The following BAIAP2L1 variants were observed in gnomAD, a reference collection of about 807,000 sequenced individuals.
BAIAP2L1 encodes BAR/IMD domain-containing adapter protein 2-like 1.
A neutral mutation model predicts 66.3 loss-of-function variants in BAIAP2L1; 35 were observed. The ratio of observed to expected loss-of-function variants is 0.53; its 90% CI spans 0.40 to 0.70. The LOEUF (loss-of-function observed/expected upper bound fraction) is 0.70. BAIAP2L1 is among the 30% of genes least tolerant of loss of function. BAIAP2L1 has a pLI of 0.00. For missense variants in BAIAP2L1, 622 were observed against 656.9 expected, an observed-to-expected ratio of 0.95 and a Z score of 0.58; for synonymous variants, 269 against 248.7, an observed-to-expected ratio of 1.08 and a Z score of -0.77.
chr7:98,326,889 TAC>T, intron 3 of BAIAP2L1, among the ~76,000 whole-genome samples: 1 of 152,148 alleles, frequency 6.6e-6, no homozygotes, highest in East Asian at 1.9e-4. Flanking sequence ...AAAAATTAAC[TAC>T]ACAGTGTAGA....
chr7:98,312,726 T>C (rs187029981), intron 7 of BAIAP2L1, among the ~76,000 whole-genome samples: 1 of 146,316 alleles, frequency 6.8e-6, no homozygotes, highest in Non-Finnish European at 1.5e-5. Context: ...AATCAGACAC[T>C]GTCCTGAGAG....
At chr7:98,346,455 G>A (rs918841302) in intron 3 of BAIAP2L1, among the ~76,000 whole-genome samples, 75 of 152,178 alleles carry the variant, frequency 4.9e-4, no homozygotes, top group African/African-American at 1.5e-3. Context: ...AAATCCACCC[G>A]TAAATTCAAT....
Position 98,355,036 on chromosome 7 carries a change from G to A in BAIAP2L1, c.214+6C>T, listed in dbSNP as rs777942628. 63 of 1,608,120 alleles carry A rather than the reference G, an allele frequency of 3.9e-5. No individual in the cohort carries two copies. The African/African-American group carries it at 5.6e-4, about 14-fold the overall frequency. On this transcript the variant is annotated splice_donor_region_variant and intron_variant, in intron 3 of 13. Coordinates refer to ENST00000005260, the MANE Select transcript of BAIAP2L1 (RefSeq NM_018842.5). The stretch of plus-strand genomic sequence containing the variant: ...GGGTTTATGTATAAAGGGACAGATC[G>A]CTCACCCAGTTCAGTTGACACGGGG...
At chr7:98,343,979 G>A (rs1801810934) in intron 3 of BAIAP2L1, among the ~76,000 whole-genome samples, 1 of 152,174 alleles carries the variant, frequency 6.6e-6, no homozygotes, top group African/African-American at 2.4e-5. Flanking sequence ...AAGAGATCGA[G>A]ACCATCCTGG....
chr7:98,398,398 G>A (rs886552766), intron 1 of BAIAP2L1, among the ~76,000 whole-genome samples: 1 of 151,768 alleles, frequency 6.6e-6, no homozygotes, highest in East Asian at 1.9e-4. Flanking sequence ...GCCAAAGCAT[G>A]GGCTAGCAGC....
chr7:98,353,534 T>C (rs12704985), intron 3 of BAIAP2L1, among the ~76,000 whole-genome samples: 51,696 of 135,014 alleles, frequency 0.38, 11,227 homozygotes, highest in Middle Eastern at 0.53. Context: ...TTTATAAATA[T>C]ACATATATTT....
Position 98,293,143 on chromosome 7 carries a change from C to G in BAIAP2L1, c.*378G>C, listed in dbSNP as rs1056100117. 16 of 341,124 alleles carry G rather than the reference C, an allele frequency of 4.7e-5. No homozygotes were observed. Among genetic ancestry groups the G allele is most frequent in the Non-Finnish European group, 7.2e-5 (16 of 220,716 alleles). The allele number at this position is 341,124 out of a possible 1,614,324, so 21.1% of individuals were successfully genotyped here. ...AGAGCACATGCTTTATAAAATAAAACTGGTCTCATTCATATCAGGTGCAGA... is the reference window on the plus strand; with the variant it reads ...AGAGCACATGCTTTATAAAATAAAAGTGGTCTCATTCATATCAGGTGCAGA... On this transcript the variant is annotated 3_prime_UTR_variant, in exon 14 of 14. Transcript: ENST00000005260.
At chr7:98,397,059 T>C (rs1191294557) in intron 1 of BAIAP2L1, among the ~76,000 whole-genome samples, 2 of 151,898 alleles carry the variant, frequency 1.3e-5, no homozygotes, top group Non-Finnish European at 2.9e-5. Flanking sequence ...CTAGTTGGGG[T>C]GGGAAGAGAG....
At position 98,306,490 on chromosome 7, in the gene BAIAP2L1, G is replaced by A. The variant is rs768990780; in HGVS notation, c.1190C>T (p.Thr397Met). The change falls in exon 11 of 14, where the codon ACG becomes ATG. Residue 397 changes from threonine to methionine, a missense_variant. Physicochemically the swap from Thr to Met is moderately conservative, Grantham distance 81. Coordinates refer to ENST00000005260, the MANE Select transcript of BAIAP2L1 (RefSeq NM_018842.5). Reference protein sequence around the residue: ...KARGWFPSSYTKLLEENETEA... With the variant: ...KARGWFPSSYMKLLEENETEA... ...TGTCTCATTTTCTTCCAGCAACTTC[G>A]TGTACGACGACGGGAACCAACCCCT... The A allele has an allele frequency of 1.5e-5, 24 of 1,613,982 alleles. No individual in the cohort carries two copies. Among genetic ancestry groups the A allele is most frequent in the African/African-American group, 5.3e-5 (4 of 74,884 alleles).
chr7:98,313,982 CTTTTT>C (rs35599338), intron 7 of BAIAP2L1, among the ~76,000 whole-genome samples: 1 of 100,974 alleles, frequency 9.9e-6, no homozygotes, highest in Non-Finnish European at 1.9e-5. Context: ...CTTTTTCTTC[CTTTTT>C]TTTTTTTTTT....
chr7:98,381,995 G>A (rs959457209), intron 1 of BAIAP2L1, among the ~76,000 whole-genome samples: 2 of 147,440 alleles, frequency 1.4e-5, no homozygotes, highest in South Asian at 2.1e-4. Context: ...GCGATATCTC[G>A]GCTCACTGCA....
intron 3 of BAIAP2L1, among the ~76,000 whole-genome samples, chr7:98,332,876 T>C (rs973952514): frequency 2.5e-4 from 36 of 141,672 alleles, no homozygotes; most frequent in Non-Finnish European, 1.1e-4. Flanking sequence ...AGAAGCCCCA[T>C]CTGCACCCGG....
In BAIAP2L1 at chr7:98,300,143, T is replaced by C. The variant is rs192152827; in HGVS notation, c.1422+4053A>G. On this transcript the variant is annotated intron_variant, in intron 12 of 13. Coordinates refer to ENST00000005260, the MANE Select transcript of BAIAP2L1 (RefSeq NM_018842.5). ...GCTGCCCTGTGTGCCCTGTGGCTGCTGGACTGGGCAGGGAACATTTCCATC... is the reference window on the plus strand; with the variant it reads ...GCTGCCCTGTGTGCCCTGTGGCTGCCGGACTGGGCAGGGAACATTTCCATC... 3.0e-4 allele frequency among the ~76,000 whole-genome samples: 46 copies of C among 152,366 alleles called. No individual in the cohort carries two copies. The South Asian group carries it at 5.2e-3, about 17-fold the overall frequency.
chr7:98,362,342 G>C lies in BAIAP2L1; in HGVS notation c.127+15C>G. The C allele has an allele frequency of 2.5e-6, 4 of 1,582,672 alleles. No homozygotes were observed. Among genetic ancestry groups the C allele is most frequent in the Non-Finnish European group, 3.5e-6 (4 of 1,156,884 alleles). ...AGTGGCTTTATATATAATCAATTCA[G>C]AAAAACAGACTTACCGTTTACAGCT... On this transcript the variant is annotated intron_variant, in intron 2 of 13. Coordinates refer to ENST00000005260, the MANE Select transcript of BAIAP2L1 (RefSeq NM_018842.5).
chr7:98,363,243 C>T (rs1686082728), intron 1 of BAIAP2L1, among the ~76,000 whole-genome samples: 1 of 151,936 alleles, frequency 6.6e-6, no homozygotes, highest in South Asian at 2.1e-4. Flanking sequence ...CCATGTTGGC[C>T]AGGCTGGTCT....
intron 3 of BAIAP2L1, among the ~76,000 whole-genome samples, chr7:98,351,872 C>T (rs1039414916): frequency 1.3e-5 from 2 of 152,102 alleles, no homozygotes; most frequent in African/African-American, 2.4e-5. Context: ...GAAATGGCAC[C>T]GCTGTCACAG....
chr7:98,384,937 G>A (rs1802852595), intron 1 of BAIAP2L1, among the ~76,000 whole-genome samples: 1 of 152,096 alleles, frequency 6.6e-6, no homozygotes, highest in Non-Finnish European at 1.5e-5. Flanking sequence ...GAACTCAGGT[G>A]ATCCAACCAC....
At chr7:98,335,445 CGTGT>C in intron 3 of BAIAP2L1, among the ~76,000 whole-genome samples, 1 of 152,240 alleles carries the variant, frequency 6.6e-6, no homozygotes, top group Middle Eastern at 3.4e-3. Context: ...TAAATGCACA[CGTGT>C]GTGTGTATAT....
chr7:98,393,870 G>C (rs1349210500), intron 1 of BAIAP2L1, among the ~76,000 whole-genome samples: 1 of 148,392 alleles, frequency 6.7e-6, no homozygotes, highest in South Asian at 2.1e-4. Context: ...TTGGGAGGCC[G>C]AGGCGGGCGG....
Sources: gnomAD v4.1 joint callset for allele counts (sites outside exome capture counted in the v4.1 genomes callset) on GRCh38, gnomAD v4.1.1 for gene constraint, MANE v1.5 for transcripts, NCBI Gene and HGNC (gene_info 2026-07-23, HGNC 2026-07-21) for gene names.